EML1: variants seen among roughly 807,000 people sequenced by gnomAD.
EML1 encodes the protein EMAP like 1, also known as echinoderm microtubule-associated protein-like 1.
In EML1, 27 loss-of-function variants were observed where a neutral mutation model predicts 110.4. The observed-to-expected ratio is 0.24, with a 90% CI of 0.18 to 0.34. The LOEUF (loss-of-function observed/expected upper bound fraction) is 0.34. Ranked by LOEUF, EML1 falls within the 10% of genes least tolerant of loss-of-function variation. The pLI, the probability that EML1 is intolerant of heterozygous loss-of-function variation, is 1.00. For synonymous variants in EML1, 344 were observed against 385.8 expected (o/e 0.89, Z 1.27); for missense variants, 741 against 1,030.9 (o/e 0.72, Z 3.85).
chr14:99,875,782 C>T (rs541459369), intron 3 of EML1, among the ~76,000 whole-genome samples: 1 of 152,286 alleles, frequency 6.6e-6, no homozygotes, highest in South Asian at 2.1e-4. Context: ...ACTTGAAGCA[C>T]AAAGGCTCCT....
chr14:99,844,700 C>T (rs978921743), intron 1 of EML1, among the ~76,000 whole-genome samples: 7 of 152,332 alleles, frequency 4.6e-5, no homozygotes, highest in Middle Eastern at 3.4e-3. Context: ...CCCAACCCAG[C>T]ATTTGGCAAC....
intron 15 of EML1, 138 bp downstream of exon 15, chr14:99,914,835 C>T: frequency 2.6e-6 from 3 of 1,143,064 alleles, no homozygotes; most frequent in Non-Finnish European, 2.4e-6. Context: ...GTTGCCTTAA[C>T]ATTGCAATTG....
chr14:99,819,546 G>A (rs1355696438), intron 1 of EML1, among the ~76,000 whole-genome samples: 1 of 152,194 alleles, frequency 6.6e-6, no homozygotes, highest in Non-Finnish European at 1.5e-5. Flanking sequence ...ATTATGGTGG[G>A]TGGCCACGAC....
chr14:99,764,264 C>A (rs1473132030), intron 1 of EML1, among the ~76,000 whole-genome samples: 1 of 152,226 alleles, frequency 6.6e-6, no homozygotes, highest in Non-Finnish European at 1.5e-5. Flanking sequence ...GCTCTTCACC[C>A]AGGTTGTTCT....
chr14:99,795,877 C>T (rs1247889927), intron 1 of EML1, among the ~76,000 whole-genome samples: 1 of 152,112 alleles, frequency 6.6e-6, no homozygotes, highest in Non-Finnish European at 1.5e-5. Flanking sequence ...ATATAATTCA[C>T]ACATATTATT....
chr14:99,925,362 G>C (rs2060215162), intron 17 of EML1, among the ~76,000 whole-genome samples: 1 of 150,110 alleles, frequency 6.7e-6, no homozygotes, highest in Non-Finnish European at 1.5e-5. Flanking sequence ...CTGGGTTCAA[G>C]TGATTCTGCC....
At chr14:99,814,248 AG>A (rs2058130033) in intron 1 of EML1, among the ~76,000 whole-genome samples, 2 of 152,180 alleles carry the variant, frequency 1.3e-5, no homozygotes, top group Non-Finnish European at 2.9e-5. Flanking sequence ...CTCAAAAGGA[AG>A]GTCAAAGGAA....
In EML1 at chr14:99,851,079, G is replaced by A. The variant is rs185633311; in HGVS notation, c.250+44G>A. 46 of 1,576,444 alleles carry A rather than the reference G, an allele frequency of 2.9e-5. No individual in the cohort carries two copies. In the East Asian group the frequency reaches 8.4e-4, roughly 29 times the overall value. On this transcript the variant is annotated intron_variant, in intron 2 of 21. Transcript: ENST00000262233. ...CAGGAACTTCAGTAGAATTGGTCTC[G>A]TGGCAGAATCTTGCTCTAGCAAACA... is the stretch of plus-strand genomic sequence containing the variant.
chr14:99,902,790 T>C (rs1365286839), intron 9 of EML1, among the ~76,000 whole-genome samples: 2 of 152,198 alleles, frequency 1.3e-5, no homozygotes, highest in African/African-American at 4.8e-5. Flanking sequence ...CCAAGATAAC[T>C]TGGGGCTCCT....
chr14:99,877,934 C>T (rs528170392), intron 3 of EML1, among the ~76,000 whole-genome samples: 1 of 152,302 alleles, frequency 6.6e-6, no homozygotes, highest in Admixed American at 6.5e-5. Context: ...GGTTGCACAC[C>T]ACCATCTGGA....
intron 3 of EML1, among the ~76,000 whole-genome samples, chr14:99,873,900 T>C (rs563154619): frequency 1.3e-5 from 2 of 152,388 alleles, no homozygotes; most frequent in South Asian, 4.1e-4. Flanking sequence ...GGATGGTTGA[T>C]GCCTAGTAAG....
intron 1 of EML1, among the ~76,000 whole-genome samples, chr14:99,744,373 C>T (rs1027813322): frequency 6.6e-6 from 1 of 152,140 alleles, no homozygotes; most frequent in Non-Finnish European, 1.5e-5. Context: ...CGACACAGCA[C>T]CAGTTAAATG....
intron 1 of EML1, among the ~76,000 whole-genome samples, chr14:99,804,566 C>T (rs2057937619): frequency 6.6e-6 from 1 of 152,114 alleles, no homozygotes; most frequent in African/African-American, 2.4e-5. Context: ...GCTCCACTGT[C>T]CATGGTATAC....
chr14:99,851,456 C>G (rs566732939), intron 2 of EML1, among the ~76,000 whole-genome samples: 2 of 152,096 alleles, frequency 1.3e-5, no homozygotes, highest in African/African-American at 4.8e-5. Flanking sequence ...TACAGGCGCC[C>G]GCCACCACGC....
Position 99,747,113 on chromosome 14 carries a change from A to G in EML1, c.28+9253A>G, listed in dbSNP as rs991243621. On this transcript the variant is annotated intron_variant, in intron 1 of 10. Coordinates refer to the EML1 transcript ENST00000554479. ...TGAGGGAGGAGAATGGCGTGAACCC[A>G]GGAGGTGGAGCTTGCAGTGAGCCGA... is the stretch of plus-strand genomic sequence containing the variant. Among the ~76,000 whole-genome samples, 13 of 144,602 alleles carry G rather than the reference A, an allele frequency of 9.0e-5. No individual in the cohort carries two copies. In the East Asian group the frequency reaches 2.7e-3, roughly 30 times the overall value. The allele number at this position is 144,602 out of a possible 152,430, so 94.9% of individuals were successfully genotyped here.
At chr14:99,894,850 C>T (rs1040081824) in intron 6 of EML1, 92 bp downstream of exon 6, 48 of 1,427,100 alleles carry the variant, frequency 3.4e-5, no homozygotes, top group South Asian at 5.1e-5. Flanking sequence ...CTTAAGTCCT[C>T]TTAAGCTTTT....
intron 17 of EML1, among the ~76,000 whole-genome samples, chr14:99,925,275 C>CTTT (rs972066503): frequency 3.7e-5 from 5 of 136,060 alleles, no homozygotes; most frequent in Admixed American, 7.4e-5. Context: ...TTTCTTTTTT[C>CTTT]TTTTTTTTTT....
At chr14:99,769,311 G>A (rs1045245006), upstream of EML1, among the ~76,000 whole-genome samples, 1 of 152,148 alleles carries the variant, frequency 6.6e-6, no homozygotes, top group Non-Finnish European at 1.5e-5. Context: ...CACAGACAGG[G>A]AGCACTGTTC....
intron 1 of EML1, among the ~76,000 whole-genome samples, chr14:99,751,364 C>T (rs1187751577): frequency 6.6e-6 from 1 of 152,110 alleles, no homozygotes; most frequent in African/African-American, 2.4e-5. Context: ...TCCTGGGTGA[C>T]CCAGCACGGA....
Sources: allele counts gnomAD v4.1 joint callset (sites outside exome capture counted in the v4.1 genomes callset), GRCh38; gene constraint gnomAD v4.1.1; transcripts MANE v1.5; gene names NCBI Gene and HGNC (gene_info 2026-07-23, HGNC 2026-07-21).